CEP135: variants seen among roughly 807,000 people sequenced by gnomAD.
CEP135 encodes the protein centrosomal protein of 135 kDa.
A neutral mutation model predicts 157.3 loss-of-function variants in CEP135; 142 were observed. The ratio of observed to expected loss-of-function variants is 0.90; its 90% CI spans 0.79 to 1.04. The LOEUF (loss-of-function observed/expected upper bound fraction) is 1.04. CEP135 is among the 50% of genes least tolerant of loss of function. The probability of loss-of-function intolerance (pLI) is 0.00; values close to 1 mark genes in which losing one functional copy is unlikely to be tolerated. For synonymous variants in CEP135, 396 were observed against 439.8 expected (o/e 0.90, Z 1.25); for missense variants, 1,317 against 1,309.2 (o/e 1.01, Z -0.09).
rs1379397458 is a variant in CEP135, at chr4:55,954,283, T to C, written c.372T>C (p.Tyr124=). 1 of 1,610,348 alleles carries C rather than the reference T, an allele frequency of 6.2e-7. No homozygotes were observed. Among genetic ancestry groups the C allele is most frequent in the Admixed American group, 1.7e-5 (1 of 59,348 alleles). Residue 124 remains tyrosine (Y), a synonymous_variant, in exon 4 of 26, where the codon TAT becomes TAC. Transcript: ENST00000257287. ...ATCTGAAATTTCTGAATAACCAATA[T>C]GCTCATAAACTCAAACTGTTGGAGA... ...TADLKFLNNQ[Y]AHKLKLLEKE... is the part of the protein sequence containing the mutation.
rs1179506789 is a variant in CEP135, at chr4:56,017,832, A to G, written c.2987A>G (p.Asn996Ser). The change falls in exon 22 of 26, where the codon AAT becomes AGT. Residue 996 changes from asparagine to serine, a missense_variant. Physicochemically the swap from Asn to Ser is conservative, Grantham distance 46. Transcript: ENST00000257287. ...AAAGATATTATGACCCAGCAATTGAATTCGAAAAACCTTGAGTTTGAGAGG... is the reference window on the plus strand; with the variant it reads ...AAAGATATTATGACCCAGCAATTGAGTTCGAAAAACCTTGAGTTTGAGAGG... ...SGKDIMTQQL[N>S]SKNLEFERVV... The G allele has an allele frequency of 1.9e-6, 3 of 1,612,814 alleles. No homozygotes were observed. The highest frequency in any genetic ancestry group is 2.7e-5 in the African/African-American group (2 of 74,894).
intron 23 of CEP135, 125 bp from the exon 24 acceptor site, chr4:56,020,551 C>A: frequency 1.4e-6 from 1 of 710,146 alleles, no homozygotes; most frequent in Non-Finnish European, 2.4e-6. Flanking sequence ...GTGATAAAAG[C>A]TCTAGAAGTT....
At position 55,953,289 on chromosome 4, in the gene CEP135, T is replaced by G. The variant is rs763711570; in HGVS notation, c.304+14T>G. 1 of 1,473,692 alleles carries G rather than the reference T, an allele frequency of 6.8e-7. No individual in the cohort carries two copies. The highest frequency in any genetic ancestry group is 9.0e-7 in the Non-Finnish European group (1 of 1,108,074). The allele number at this position is 1,473,692 out of a possible 1,614,324, so 91.3% of individuals were successfully genotyped here. On this transcript the variant is annotated intron_variant, in intron 3 of 25. Coordinates refer to ENST00000257287, the MANE Select transcript of CEP135 (RefSeq NM_025009.5). ...AACACGTTAAAGGTAAGTGAAAATT[T>G]GATAATTTTTAAAATGCAATGTCTT...
At chr4:55,986,263 A>G (rs1729576796) in intron 14 of CEP135, among the ~76,000 whole-genome samples, 1 of 152,238 alleles carries the variant, frequency 6.6e-6, no homozygotes, top group African/African-American at 2.4e-5. Context: ...TAGGCCAGGC[A>G]TAGTGGCTCA....
At chr4:55,993,924 T>C (rs1020852779) in intron 15 of CEP135, among the ~76,000 whole-genome samples, 1 of 152,240 alleles carries the variant, frequency 6.6e-6, no homozygotes, top group Admixed American at 6.5e-5. Flanking sequence ...TTTGTCTACC[T>C]TTCTACCAGG....
intron 11 of CEP135, among the ~76,000 whole-genome samples, chr4:55,977,498 G>A (rs1402428030): frequency 6.6e-6 from 1 of 152,134 alleles, no homozygotes; most frequent in Non-Finnish European, 1.5e-5. Flanking sequence ...GCAGAGTGGG[G>A]AAAGTGACTA....
At chr4:56,004,712 T>C (rs1730291503) in intron 17 of CEP135, among the ~76,000 whole-genome samples, 1 of 152,192 alleles carries the variant, frequency 6.6e-6, no homozygotes, top group Admixed American at 6.5e-5. Flanking sequence ...TTATCTGATA[T>C]AAGTAAAGCT....
At chr4:55,956,699 C>CT (rs1264649651) in intron 4 of CEP135, among the ~76,000 whole-genome samples, 2 of 152,116 alleles carry the variant, frequency 1.3e-5, no homozygotes, top group African/African-American at 4.8e-5. Flanking sequence ...CAACCTCGGC[C>CT]TCCCGGGTTC....
chr4:56,013,023 G>A (rs186700579), intron 21 of CEP135, among the ~76,000 whole-genome samples: 1 of 152,274 alleles, frequency 6.6e-6, no homozygotes, highest in East Asian at 1.9e-4. Context: ...CAATGCACGA[G>A]GGTTCCAGTT....
chr4:55,971,432 TA>T, intron 10 of CEP135, 24 bp downstream of exon 10: 9 of 1,574,464 alleles, frequency 5.7e-6, no homozygotes, highest in Non-Finnish European at 7.7e-6. Flanking sequence ...TTTTGATAGC[TA>T]AAGAATGATT....
At chr4:55,982,713 G>A (rs1490024237) in intron 13 of CEP135, among the ~76,000 whole-genome samples, 1 of 152,030 alleles carries the variant, frequency 6.6e-6, no homozygotes. Context: ...CATTCTGTGG[G>A]TCATTTTTTC....
intron 17 of CEP135, among the ~76,000 whole-genome samples, chr4:56,006,236 A>G (rs1730342054): frequency 1.3e-5 from 2 of 152,032 alleles, no homozygotes; most frequent in Middle Eastern, 3.2e-3. Flanking sequence ...GTATTTTTCT[A>G]TATCTTGTAG....
intron 17 of CEP135, among the ~76,000 whole-genome samples, chr4:56,002,678 A>G (rs552321014): frequency 6.6e-6 from 1 of 152,252 alleles, no homozygotes; most frequent in East Asian, 1.9e-4. Flanking sequence ...ATTTGCATCA[A>G]TGATATTGGC....
At chr4:56,009,176 T>C (rs1241446351) in intron 18 of CEP135, among the ~76,000 whole-genome samples, 1 of 152,224 alleles carries the variant, frequency 6.6e-6, no homozygotes, top group Non-Finnish European at 1.5e-5. Flanking sequence ...TGTTTTTTGT[T>C]GTTGAGACGG....
Position 55,991,336 on chromosome 4 carries a change from A to G in CEP135, c.1858-598A>G, listed in dbSNP as rs927122911. Among the ~76,000 whole-genome samples the G allele has an allele frequency of 2.6e-5, 3 of 115,388 alleles. No individual in the cohort carries two copies. The Admixed American group carries it at 2.7e-4, about 10-fold the overall frequency. 75.7% of individuals were successfully genotyped at this position (115,388 alleles called of 152,430 possible). On this transcript the variant is annotated intron_variant, in intron 14 of 25. Coordinates refer to ENST00000257287, the MANE Select transcript of CEP135 (RefSeq NM_025009.5). Reference sequence around the variant, plus strand: ...TTTTTTTCTTTTTTTTTTTTTTTGTAAATGAATTTAGAATCAAATCTAAGC... The same window carrying G: ...TTTTTTTCTTTTTTTTTTTTTTTGTGAATGAATTTAGAATCAAATCTAAGC...
chr4:55,964,879 G>T (rs1728794149), intron 7 of CEP135: 1 of 151,280 alleles, frequency 6.6e-6, no homozygotes, highest in South Asian at 2.1e-4. Flanking sequence ...TAAATACCTA[G>T]CTTTTATCTA....
At chr4:56,028,029 G>T (rs1305615758) in intron 25 of CEP135, among the ~76,000 whole-genome samples, 1 of 152,090 alleles carries the variant, frequency 6.6e-6, no homozygotes, top group South Asian at 2.1e-4. Flanking sequence ...AATCATACAT[G>T]TGTTCTTTTG....
intron 25 of CEP135, among the ~76,000 whole-genome samples, chr4:56,028,722 T>C (rs1184252768): frequency 6.6e-6 from 1 of 152,208 alleles, no homozygotes; most frequent in African/African-American, 2.4e-5. Context: ...CTATCATATC[T>C]AATGCATGCT....
intron 14 of CEP135, among the ~76,000 whole-genome samples, chr4:55,987,204 A>G (rs1729617542): frequency 6.6e-6 from 1 of 152,164 alleles, no homozygotes; most frequent in African/African-American, 2.4e-5. Flanking sequence ...TTTTCAAATG[A>G]CTGATGGGCA....
Sources: gnomAD v4.1 joint callset for allele counts (sites outside exome capture counted in the v4.1 genomes callset) on GRCh38, gnomAD v4.1.1 for gene constraint, MANE v1.5 for transcripts, NCBI Gene and HGNC (gene_info 2026-07-23, HGNC 2026-07-21) for gene names.